Variants in CFAP61 observed in about 807,000 individuals in gnomAD.
CFAP61 encodes cilia- and flagella-associated protein 61.
Under a neutral mutation model 135.6 loss-of-function variants are expected in CFAP61, and 107 were observed. That is an observed-to-expected ratio of 0.79 (90% CI 0.67 to 0.93). The LOEUF (loss-of-function observed/expected upper bound fraction) is 0.93, where lower values mean the gene tolerates loss of function less well. Ranked by LOEUF, CFAP61 falls within the 40% of genes least tolerant of loss-of-function variation. CFAP61 has a pLI of 0.00. For synonymous variants in CFAP61, 575 were observed against 578.5 expected, an observed-to-expected ratio of 0.99 and a Z score of 0.09; for missense variants, 1,507 against 1,556.2, an observed-to-expected ratio of 0.97 and a Z score of 0.53.
At chr20:20,124,096 G>A (rs1460267343) in intron 8 of CFAP61, among the ~76,000 whole-genome samples, 3 of 148,702 alleles carry the variant, frequency 2.0e-5, no homozygotes, top group Non-Finnish European at 4.4e-5. Flanking sequence ...CTTGTATCCA[G>A]AAGGTTTGCT....
In CFAP61 at chr20:20,183,318, T is replaced by G. The variant is rs568267991; in HGVS notation, c.1386-4612T>G. Among the ~76,000 whole-genome samples the G allele has an allele frequency of 1.1e-4, 16 of 152,158 alleles. No homozygotes were observed. The East Asian group carries it at 3.1e-3, about 29-fold the overall frequency. Reference sequence around the variant, plus strand: ...CTGGGATTACAGGCATGAGCCACCATGCACGGCTAATTTTTGTATTTTTAG... The same window carrying G: ...CTGGGATTACAGGCATGAGCCACCAGGCACGGCTAATTTTTGTATTTTTAG... On this transcript the variant is annotated intron_variant, in intron 13 of 26. Coordinates refer to ENST00000245957, the MANE Select transcript of CFAP61 (RefSeq NM_015585.4).
intron 21 of CFAP61, 37 bp from the exon 22 acceptor site, chr20:20,277,129 T>C (rs760013968): frequency 1.3e-6 from 2 of 1,526,338 alleles, no homozygotes; most frequent in South Asian, 1.2e-5. Context: ...TTTGGTTTTC[T>C]GAACTGTATA....
chr20:20,244,097 T>C (rs2050238998), intron 18 of CFAP61, among the ~76,000 whole-genome samples: 1 of 152,168 alleles, frequency 6.6e-6, no homozygotes, highest in African/African-American at 2.4e-5. Context: ...GGGTACAGCC[T>C]CCCTCCTGGC....
At position 20,242,925 on chromosome 20, in the gene CFAP61, T is replaced by A. The variant is rs376504111; in HGVS notation, c.2061-3192T>A. ...CAGGACAGTACAGGCAGAGGTAAGG[T>A]GAGAGGATGCTGGAGCCAGGCATCC... is the stretch of plus-strand genomic sequence containing the variant. On this transcript the variant is annotated intron_variant, in intron 18 of 26. Coordinates refer to ENST00000245957, the MANE Select transcript of CFAP61 (RefSeq NM_015585.4). Among the ~76,000 whole-genome samples, 63 of 152,250 alleles carry A rather than the reference T, an allele frequency of 4.1e-4. No homozygotes were observed. The South Asian group carries it at 8.5e-3, about 21-fold the overall frequency.
intron 12 of CFAP61, among the ~76,000 whole-genome samples, chr20:20,167,177 A>T (rs779492186): frequency 8.5e-5 from 13 of 152,232 alleles, no homozygotes; most frequent in Non-Finnish European, 1.6e-4. Flanking sequence ...CTATTGCTTT[A>T]CTTTTCCTGG....
intron 7 of CFAP61, among the ~76,000 whole-genome samples, chr20:20,096,457 A>G (rs926135555): frequency 2.6e-5 from 4 of 152,378 alleles, no homozygotes; most frequent in African/African-American, 7.2e-5. Flanking sequence ...ATTTGAAATC[A>G]AATTCCAAAC....
chr20:20,221,592 A>G (rs1231122032), intron 17 of CFAP61: 1 of 152,156 alleles, frequency 6.6e-6, no homozygotes, highest in East Asian at 1.9e-4. Context: ...TCTTTCATCT[A>G]TTCAGAGAGG....
intron 8 of CFAP61, among the ~76,000 whole-genome samples, chr20:20,102,113 G>A (rs779454820): frequency 6.6e-6 from 1 of 152,168 alleles, no homozygotes; most frequent in Admixed American, 6.5e-5. Context: ...ACCTATGCAG[G>A]GGTCAGGCTG....
intron 2 of CFAP61, among the ~76,000 whole-genome samples, chr20:20,067,769 GTATTT>G (rs2045405225): frequency 1.9e-5 from 1 of 53,644 alleles, no homozygotes; most frequent in South Asian, 7.4e-4. Flanking sequence ...TATTATATAT[GTATTT>G]ATTATATATA....
intron 7 of CFAP61, among the ~76,000 whole-genome samples, chr20:20,096,591 T>TG (rs1479924332): frequency 6.6e-6 from 1 of 152,254 alleles, no homozygotes; most frequent in African/African-American, 2.4e-5. Context: ...GAAGTTTTGT[T>TG]GCGCCAGCGC....
At chr20:20,123,083 A>G (rs1305937828) in intron 8 of CFAP61, among the ~76,000 whole-genome samples, 3 of 151,378 alleles carry the variant, frequency 2.0e-5, no homozygotes. Context: ...AGAATTATCT[A>G]TTCATGTCCT....
At chr20:20,066,566 C>G in intron 2 of CFAP61, among the ~76,000 whole-genome samples, 1 of 152,232 alleles carries the variant, frequency 6.6e-6, no homozygotes, top group East Asian at 1.9e-4. Context: ...TCTCAGCAAA[C>G]TATCACAAGA....
At chr20:20,077,707 T>G (rs557176010) in intron 6 of CFAP61, among the ~76,000 whole-genome samples, 1 of 152,330 alleles carries the variant, frequency 6.6e-6, no homozygotes, top group South Asian at 2.1e-4. Flanking sequence ...GAGAAGAGCC[T>G]TCCAGGTCAT....
At chr20:20,296,326 C>CCTT (rs1569260658) in intron 24 of CFAP61, among the ~76,000 whole-genome samples, 7 of 34,682 alleles carry the variant, frequency 2.0e-4, no homozygotes, top group African/African-American at 5.6e-4. Flanking sequence ...CTCCTTCCTT[C>CCTT]CCTTCCTTCC....
chr20:20,281,820 T>C (rs1222209386), intron 22 of CFAP61, among the ~76,000 whole-genome samples: 2 of 152,198 alleles, frequency 1.3e-5, no homozygotes, highest in Non-Finnish European at 2.9e-5. Context: ...TCTGAAAAAG[T>C]TTGTGCAAGA....
At chr20:20,306,949 C>G (rs1217390756) in intron 25 of CFAP61, among the ~76,000 whole-genome samples, 1 of 152,192 alleles carries the variant, frequency 6.6e-6, no homozygotes, top group Non-Finnish European at 1.5e-5. Context: ...TTGCACACGT[C>G]TGTTGACTCA....
intron 12 of CFAP61, among the ~76,000 whole-genome samples, chr20:20,167,001 T>G (rs745534657): frequency 3.9e-5 from 6 of 152,188 alleles, no homozygotes; most frequent in Non-Finnish European, 8.8e-5. Context: ...GTCTCATTAT[T>G]TTCTAGGGAT....
At chr20:20,282,737 A>T (rs1045531359) in intron 22 of CFAP61, among the ~76,000 whole-genome samples, 1 of 152,128 alleles carries the variant, frequency 6.6e-6, no homozygotes, top group African/African-American at 2.4e-5. Flanking sequence ...TCAGGAGTTC[A>T]AGACCAACCT....
chr20:20,240,274 C>A (rs6112829), intron 18 of CFAP61, among the ~76,000 whole-genome samples: 66,794 of 152,050 alleles, frequency 0.44, 15,010 homozygotes, highest in East Asian at 0.58. Flanking sequence ...AATAGGCATG[C>A]AGCTTGGGAA....
Sources: allele counts gnomAD v4.1 joint callset (sites outside exome capture counted in the v4.1 genomes callset), GRCh38; gene constraint gnomAD v4.1.1; transcripts MANE v1.5; gene names NCBI Gene and HGNC (gene_info 2026-07-23, HGNC 2026-07-21).